Variants in ST8SIA4 observed in about 807,000 individuals in gnomAD.
The protein encoded by ST8SIA4 is CMP-N-acetylneuraminate-poly-alpha-2,8-sialyltransferase.
In ST8SIA4, 15 loss-of-function variants were observed where a neutral mutation model predicts 33.9. The observed-to-expected ratio is 0.44, with a 90% confidence interval of 0.30 to 0.68. ST8SIA4 has a LOEUF of 0.68. Ranked by LOEUF, ST8SIA4 falls within the 30% of genes least tolerant of loss-of-function variation. ST8SIA4 has a pLI of 0.10. For missense variants in ST8SIA4, 321 were observed against 428.0 expected, an observed-to-expected ratio of 0.75 and a Z score of 2.21; for synonymous variants, 171 against 151.2, an observed-to-expected ratio of 1.13 and a Z score of -0.96.
rs1750775548 is a variant in ST8SIA4, at chr5:100,809,629, CT to C, written c.*2217del. On this transcript the variant is annotated 3_prime_UTR_variant, in exon 5 of 5. Coordinates refer to ENST00000231461, the MANE Select transcript of ST8SIA4 (RefSeq NM_005668.6). ...TTTAAACTAAAGGCTACTAGAATAG[CT>C]TATCATTTGCAAGTAGTCCAAATTT... is the stretch of plus-strand genomic sequence containing the variant. The C allele has an allele frequency of 6.6e-6, 1 of 152,050 alleles. No individual in the cohort carries two copies. Among genetic ancestry groups the C allele is most frequent in the Non-Finnish European group, 1.5e-5 (1 of 67,984 alleles). 9.4% of individuals were successfully genotyped at this position (152,050 alleles called of 1,614,324 possible).
chr5:100,808,673 C>T lies in ST8SIA4; in HGVS notation c.*3174G>A, dbSNP rs1455084106. 6.6e-6 allele frequency: 1 copy of T among 152,584 alleles called. No homozygotes were observed. Among genetic ancestry groups the T allele is most frequent in the Non-Finnish European group, 1.5e-5 (1 of 68,020 alleles). The allele number at this position is 152,584 out of a possible 1,614,324, so 9.5% of individuals were successfully genotyped here. ...AAAAGCTCCACCTATTTCAAGTATG[C>T]TTTTATAATTTGATTTTGTCATGAT... On this transcript the variant is annotated 3_prime_UTR_variant, in exon 5 of 5. Coordinates refer to ENST00000231461, the MANE Select transcript of ST8SIA4 (RefSeq NM_005668.6).
intron 4 of ST8SIA4, among the ~76,000 whole-genome samples, chr5:100,838,992 A>AT (rs911052856): frequency 4.2e-4 from 64 of 150,672 alleles, no homozygotes; most frequent in African/African-American, 1.3e-3. Flanking sequence ...GAGAACATTA[A>AT]TTTTTTTTTC....
chr5:100,891,502 G>C (rs1752664349), intron 2 of ST8SIA4, among the ~76,000 whole-genome samples: 1 of 151,916 alleles, frequency 6.6e-6, no homozygotes, highest in Admixed American at 6.6e-5. Flanking sequence ...GGATTTCTAA[G>C]TCCTAGCAGT....
intron 1 of ST8SIA4, among the ~76,000 whole-genome samples, chr5:100,899,295 A>G (rs1486190166): frequency 1.3e-5 from 2 of 152,234 alleles, no homozygotes; most frequent in Non-Finnish European, 2.9e-5. Context: ...GTGTCAAACA[A>G]CTAAAAATAA....
intron 4 of ST8SIA4, among the ~76,000 whole-genome samples, chr5:100,827,379 G>A (rs1751169356): frequency 6.6e-6 from 1 of 152,060 alleles, no homozygotes; most frequent in Non-Finnish European, 1.5e-5. Context: ...CCTCTCACAT[G>A]AAAACTAAGA....
intron 4 of ST8SIA4, among the ~76,000 whole-genome samples, chr5:100,823,004 G>A (rs904994648): frequency 5.9e-5 from 9 of 151,948 alleles, no homozygotes; most frequent in Non-Finnish European, 1.2e-4. Flanking sequence ...GGTGGCGGGC[G>A]CCTGTAGTCC....
chr5:100,901,532 T>C (rs1017302529), intron 1 of ST8SIA4, among the ~76,000 whole-genome samples: 13 of 152,140 alleles, frequency 8.5e-5, no homozygotes, highest in East Asian at 7.7e-4. Context: ...CTGAGCTAGA[T>C]TGGATTTTCA....
At chr5:100,843,879 A>T (rs377410026) in intron 4 of ST8SIA4, among the ~76,000 whole-genome samples, 1 of 151,910 alleles carries the variant, frequency 6.6e-6, no homozygotes, top group African/African-American at 2.4e-5. Flanking sequence ...TGAATTAGCT[A>T]TCAGTTATTT....
chr5:100,901,779 G>C (rs1752922825), intron 1 of ST8SIA4, among the ~76,000 whole-genome samples: 1 of 152,116 alleles, frequency 6.6e-6, no homozygotes, highest in Admixed American at 6.5e-5. Context: ...TTATTACCTA[G>C]GGAGCAGGAA....
chr5:100,856,504 G>T, intron 3 of ST8SIA4, 108 bp from the exon 4 acceptor site: 1 of 1,138,962 alleles, frequency 8.8e-7, no homozygotes, highest in Non-Finnish European at 1.2e-6. Flanking sequence ...TTAACCATGT[G>T]AAAAGAAAAC....
At chr5:100,894,404 C>T (rs1473293433) in intron 2 of ST8SIA4, among the ~76,000 whole-genome samples, 1 of 152,094 alleles carries the variant, frequency 6.6e-6, no homozygotes, top group African/African-American at 2.4e-5. Context: ...TCAGACTCTA[C>T]TCATCTATTC....
intron 4 of ST8SIA4, among the ~76,000 whole-genome samples, chr5:100,850,803 TG>T (rs1561394096): frequency 2.9e-5 from 1 of 34,000 alleles, no homozygotes; most frequent in Non-Finnish European, 1.1e-4. Flanking sequence ...ATATATAACA[TG>T]TGTGTGTATA....
rs1402902851 is a variant in ST8SIA4 at position 100,808,078 on chromosome 5, C to G, written c.*3769G>C. ...ACCCCTTCCACAATTATATATACTCCCTACAATAACCACATGAAAACAACT... is the reference window on the plus strand; with the variant it reads ...ACCCCTTCCACAATTATATATACTCGCTACAATAACCACATGAAAACAACT... On this transcript the variant is annotated 3_prime_UTR_variant, in exon 5 of 5. Coordinates refer to ENST00000231461, the MANE Select transcript of ST8SIA4 (RefSeq NM_005668.6). The G allele has an allele frequency of 6.6e-6, 1 of 152,324 alleles. No homozygotes were observed. The highest frequency in any genetic ancestry group is 1.5e-5 in the Non-Finnish European group (1 of 67,944). The allele number at this position is 152,324 out of a possible 1,614,324, so 9.4% of individuals were successfully genotyped here.
chr5:100,821,579 C>T (rs3776158), intron 4 of ST8SIA4, among the ~76,000 whole-genome samples: 1 of 152,112 alleles, frequency 6.6e-6, no homozygotes, highest in African/African-American at 2.4e-5. Flanking sequence ...ATTAACCTCC[C>T]AGATAGTTGT....
At chr5:100,878,708 C>T (rs767687694) in intron 3 of ST8SIA4, among the ~76,000 whole-genome samples, 12 of 152,068 alleles carry the variant, frequency 7.9e-5, no homozygotes, top group South Asian at 2.1e-4. Flanking sequence ...TAAGTGATCA[C>T]GTACAATTTC....
In ST8SIA4 at chr5:100,865,898, T is replaced by C. The variant is rs1051161406; in HGVS notation, c.504-9502A>G. ...AATGGTCTTACAATCTTTAGTCTCATACTCCTCCAATCATCCATGCACATT... is the reference window on the plus strand; with the variant it reads ...AATGGTCTTACAATCTTTAGTCTCACACTCCTCCAATCATCCATGCACATT... On this transcript the variant is annotated intron_variant, in intron 3 of 4. Coordinates refer to ENST00000231461, the MANE Select transcript of ST8SIA4 (RefSeq NM_005668.6). Among the ~76,000 whole-genome samples the C allele has an allele frequency of 1.1e-4, 16 of 152,290 alleles. No individual in the cohort carries two copies. The South Asian group carries it at 2.9e-3, about 28-fold the overall frequency.
In ST8SIA4 at chr5:100,809,783, C is replaced by A. The variant is rs1320112310; in HGVS notation, c.*2064G>T. The A allele has an allele frequency of 6.6e-6, 1 of 152,018 alleles. No homozygotes were observed. Among genetic ancestry groups the A allele is most frequent in the Non-Finnish European group, 1.5e-5 (1 of 67,998 alleles). The allele number at this position is 152,018 out of a possible 1,614,324, so 9.4% of individuals were successfully genotyped here. On this transcript the variant is annotated 3_prime_UTR_variant, in exon 5 of 5. Coordinates refer to ENST00000231461, the MANE Select transcript of ST8SIA4 (RefSeq NM_005668.6). The stretch of plus-strand genomic sequence containing the variant: ...TTAATTATAAAAGTACATTAATGTT[C>A]CATTCATTTTTAGCTATCAGTCTCC...
intron 4 of ST8SIA4, among the ~76,000 whole-genome samples, chr5:100,850,689 T>C (rs2112433088): frequency 6.6e-6 from 1 of 151,994 alleles, no homozygotes; most frequent in South Asian, 2.1e-4. Flanking sequence ...CAGTATTCAG[T>C]AGGTTTAAAC....
intron 4 of ST8SIA4, among the ~76,000 whole-genome samples, chr5:100,825,900 G>T (rs1041689492): frequency 2.0e-5 from 3 of 152,030 alleles, no homozygotes; most frequent in Admixed American, 6.6e-5. Flanking sequence ...TGCTTAATTT[G>T]ACTTGCCTAT....
Sources: allele counts gnomAD v4.1 joint callset (sites outside exome capture counted in the v4.1 genomes callset), GRCh38; gene constraint gnomAD v4.1.1; transcripts MANE v1.5; gene names NCBI Gene and HGNC (gene_info 2026-07-23, HGNC 2026-07-21).